The following GRSF1 variants were observed in gnomAD, a reference collection of about 807,000 sequenced individuals.
GRSF1 encodes the protein G-rich RNA sequence binding factor 1, also known as G-rich sequence factor 1.
In GRSF1, 50 loss-of-function variants were observed where a neutral mutation model predicts 51.1. That is an observed-to-expected ratio of 0.98 (90% CI 0.78 to 1.24). GRSF1 has a LOEUF of 1.24. GRSF1 is among the 50% of genes most tolerant of loss of function. The probability of loss-of-function intolerance (pLI) is 0.00; values close to 1 mark genes in which losing one functional copy is unlikely to be tolerated. For missense variants in GRSF1, 700 were observed against 639.7 expected, an observed-to-expected ratio of 1.09 and a Z score of -1.02; for synonymous variants, 293 against 253.3, an observed-to-expected ratio of 1.16 and a Z score of -1.49.
Position 70,820,055 on chromosome 4 carries a change from A to T in GRSF1, c.*832T>A, listed in dbSNP as rs1443356564. Reference sequence around the variant, plus strand: ...CTAGAGCTGGTTTAAATTCAAGTGAAGCCATTAATTTTCTTACCAGTCTGG... The same window carrying T: ...CTAGAGCTGGTTTAAATTCAAGTGATGCCATTAATTTTCTTACCAGTCTGG... On this transcript the variant is annotated 3_prime_UTR_variant, in exon 10 of 10. Coordinates refer to ENST00000254799, the MANE Select transcript of GRSF1 (RefSeq NM_002092.4). 1 of 152,354 alleles carries T rather than the reference A, an allele frequency of 6.6e-6. No homozygotes were observed. 9.4% of individuals were successfully genotyped at this position (152,354 alleles called of 1,614,324 possible). A position where few individuals can be genotyped will look rare whatever the true frequency, so the allele number is the denominator to read the frequency against.
chr4:70,841,485 T>TA (rs1395474224), upstream of GRSF1, among the ~76,000 whole-genome samples: 1 of 151,942 alleles, frequency 6.6e-6, no homozygotes, highest in Non-Finnish European at 1.5e-5. Flanking sequence ...GAGTAAAAAA[T>TA]AAGAGAAAGC....
At chr4:70,823,126 T>G (rs1733586795) in intron 9 of GRSF1, among the ~76,000 whole-genome samples, 1 of 152,132 alleles carries the variant, frequency 6.6e-6, no homozygotes. Flanking sequence ...CCGGACACAG[T>G]GGCTCACGCC....
chr4:70,840,343 GA>G (rs1317788403), upstream of GRSF1, among the ~76,000 whole-genome samples: 2 of 152,252 alleles, frequency 1.3e-5, no homozygotes, highest in African/African-American at 4.8e-5. Flanking sequence ...CTGGCGCAGT[GA>G]CTCATTCGTA....
chr4:70,839,692 G>GGCC lies in GRSF1; in HGVS notation c.133_135dup (p.Gly45dup). 6.9e-7 allele frequency: 1 copy of GGCC among 1,452,302 alleles called. No individual in the cohort carries two copies. Among genetic ancestry groups the GGCC allele is most frequent in the South Asian group, 1.4e-5 (1 of 73,746 alleles). The allele number at this position is 1,452,302 out of a possible 1,614,324, so 90.0% of individuals were successfully genotyped here. On this transcript the variant is annotated inframe_insertion, in exon 1 of 10. Coordinates refer to ENST00000254799, the MANE Select transcript of GRSF1 (RefSeq NM_002092.4). Reference sequence around the variant, plus strand: ...CCGAGCAGCAGCAGCAGGCGGCGGCGGCCCGAGACGCCCGACGGGATAGAG... The same window carrying GGCC: ...CCGAGCAGCAGCAGCAGGCGGCGGCGGCCGCCCGAGACGCCCGACGGGATAGAG...
rs1352045090 is a variant in GRSF1, at chr4:70,827,974, C to T, written c.1013G>A (p.Gly338Glu). The change falls in exon 6 of 10, where the codon GGA becomes GAA. Residue 338 changes from glycine to glutamate, a missense_variant. Physicochemically the swap from Gly to Glu is moderately conservative, Grantham distance 98 (BLOSUM62 -2). Coordinates refer to ENST00000254799, the MANE Select transcript of GRSF1 (RefSeq NM_002092.4). ...EVRTHVGSYK[G>E]KKIASFPTAK... ...AGTAGGAAAAGATGCGATTTTCTTT[C>T]CCTTATAAGAACCGACATGTGTTCG... 3 of 1,612,750 alleles carry T rather than the reference C, an allele frequency of 1.9e-6. No individual in the cohort carries two copies. Among genetic ancestry groups the T allele is most frequent in the Admixed American group, 3.3e-5 (2 of 59,978 alleles).
intron 5 of GRSF1, among the ~76,000 whole-genome samples, chr4:70,829,327 C>T (rs1166371024): frequency 6.9e-6 from 1 of 145,940 alleles, no homozygotes; most frequent in East Asian, 2.1e-4. Flanking sequence ...AGTGAGACAC[C>T]ATCTCTACAA....
At position 70,839,563 on chromosome 4, in the gene GRSF1, C is replaced by G. The variant is rs964748427; in HGVS notation, c.265G>C (p.Ala89Pro). ...PPAVATSAAA[A>P]AAASYSALRA... Reference sequence around the variant, plus strand: ...AGGGCAGAGTAGGACGCGGCGGCCGCGGCCGCGGCAGAGGTGGCCACAGCG... The same window carrying G: ...AGGGCAGAGTAGGACGCGGCGGCCGGGGCCGCGGCAGAGGTGGCCACAGCG... The change falls in exon 1 of 10, where the codon GCG becomes CCG. Residue 89 changes from alanine (A) to proline (P), a missense_variant. Transcript: ENST00000254799. 1 of 1,423,430 alleles carries G rather than the reference C, an allele frequency of 7.0e-7. No individual in the cohort carries two copies. The highest frequency in any genetic ancestry group is 1.5e-5 in the African/African-American group (1 of 66,992). The allele number at this position is 1,423,430 out of a possible 1,614,324, so 88.2% of individuals were successfully genotyped here.
chr4:70,823,966 GTA>G (rs1733626849), intron 9 of GRSF1, among the ~76,000 whole-genome samples: 1 of 114,894 alleles, frequency 8.7e-6, no homozygotes, highest in African/African-American at 3.0e-5. Flanking sequence ...TTCCACAGTT[GTA>G]TCTCTCTCTT....
rs200822254 is a variant in GRSF1, at chr4:70,825,537, T to C, written c.1258-106A>G. ...TTCAGACTTTGATTCATACACTTGA[T>C]ACATTTCTTTTTAGGAAATCTTTTT... is the stretch of plus-strand genomic sequence containing the variant. On this transcript the variant is annotated intron_variant, in intron 7 of 9. Transcript: ENST00000254799. The C allele has an allele frequency of 2.3e-5, 17 of 741,718 alleles. No homozygotes were observed. In the East Asian group the frequency reaches 2.5e-4, roughly 11 times the overall value. The allele number at this position is 741,718 out of a possible 1,614,324, so 45.9% of individuals were successfully genotyped here. A position where few individuals can be genotyped will look rare whatever the true frequency, so the allele number is the denominator to read the frequency against.
intron 5 of GRSF1, among the ~76,000 whole-genome samples, chr4:70,831,067 G>C (rs1381927735): frequency 2.0e-5 from 3 of 152,158 alleles, no homozygotes; most frequent in Non-Finnish European, 4.4e-5. Flanking sequence ...GCCCCACAAG[G>C]AGCAGTCAAG....
intron 9 of GRSF1, among the ~76,000 whole-genome samples, chr4:70,823,418 TA>T (rs1337188954): frequency 1.4e-5 from 2 of 147,340 alleles, no homozygotes; most frequent in South Asian, 2.1e-4. Context: ...AATAAATAAA[TA>T]AAATAAAATT....
chr4:70,837,653 T>C (rs1284483068), intron 1 of GRSF1, among the ~76,000 whole-genome samples: 3 of 151,962 alleles, frequency 2.0e-5, no homozygotes, highest in South Asian at 4.2e-4. Flanking sequence ...CTTTTCTTTT[T>C]TCTTGAGACG....
At chr4:70,830,869 T>C (rs1283650964) in intron 5 of GRSF1, among the ~76,000 whole-genome samples, 2 of 152,110 alleles carry the variant, frequency 1.3e-5, no homozygotes, top group Admixed American at 1.3e-4. Flanking sequence ...AATGCTATTA[T>C]GAACTGTTAT....
At chr4:70,839,949 TG>T (rs950814712), upstream of GRSF1, 10 of 727,524 alleles carry the variant, frequency 1.4e-5, no homozygotes, top group Admixed American at 4.2e-5. Context: ...GGGCACTGGG[TG>T]GGGGGCCTCC....
Position 70,819,450 on chromosome 4 carries a change from T to A in GRSF1, c.*1437A>T, listed in dbSNP as rs1733425626. On this transcript the variant is annotated 3_prime_UTR_variant, in exon 10 of 10. Coordinates refer to ENST00000254799, the MANE Select transcript of GRSF1 (RefSeq NM_002092.4). ...ACACACGAAAATTAACCCTTACTAC[T>A]TATATTAATATAGCAGGACTTGAGG... 1 of 152,202 alleles carries A rather than the reference T, an allele frequency of 6.6e-6. No individual in the cohort carries two copies. The highest frequency in any genetic ancestry group is 6.6e-5 in the Admixed American group (1 of 15,266). The allele number at this position is 152,202 out of a possible 1,614,324, so 9.4% of individuals were successfully genotyped here.
At chr4:70,825,479 C>A (rs1172634935) in intron 7 of GRSF1, 48 bp from the exon 8 acceptor site, 2 of 1,530,854 alleles carry the variant, frequency 1.3e-6, no homozygotes, top group Non-Finnish European at 1.8e-6. Flanking sequence ...GGATGTAAAC[C>A]TACCTAGAAG....
chr4:70,822,868 A>G (rs997910069), intron 9 of GRSF1, among the ~76,000 whole-genome samples: 1 of 152,074 alleles, frequency 6.6e-6, no homozygotes, highest in African/African-American at 2.4e-5. Context: ...AGGCAGGTAA[A>G]TCACTTGAGG....
rs1734370639 is a variant in GRSF1 at position 70,839,466 on chromosome 4, C to G, written c.357+5G>C. Reference sequence around the variant, plus strand: ...CGCGCCAGGTCCCTCACGGCGCCCACGTACCTGGCTGTAGCTGCGCGTCGG... The same window carrying G: ...CGCGCCAGGTCCCTCACGGCGCCCAGGTACCTGGCTGTAGCTGCGCGTCGG... On this transcript the variant is annotated splice_donor_5th_base_variant and intron_variant, in intron 1 of 9. Transcript: ENST00000254799. 4.1e-6 allele frequency: 6 copies of G among 1,454,884 alleles called. No individual in the cohort carries two copies. Among genetic ancestry groups the G allele is most frequent in the Non-Finnish European group, 5.4e-6 (6 of 1,111,082 alleles). The allele number at this position is 1,454,884 out of a possible 1,614,324, so 90.1% of individuals were successfully genotyped here.
Position 70,836,147 on chromosome 4 carries a change from A to T in GRSF1, c.514+11T>A, listed in dbSNP as rs745708647. The T allele has an allele frequency of 3.5e-6, 5 of 1,440,332 alleles. No homozygotes were observed. The East Asian group carries it at 1.3e-4, about 37-fold the overall frequency. The allele number at this position is 1,440,332 out of a possible 1,614,324, so 89.2% of individuals were successfully genotyped here. A position where few individuals can be genotyped will look rare whatever the true frequency, so the allele number is the denominator to read the frequency against. ...AAAAAAATAAATAAATAAAACATAC[A>T]TAAAATATACCTGAAAAAAAGTTAA... On this transcript the variant is annotated intron_variant, in intron 2 of 9. Coordinates refer to ENST00000254799, the MANE Select transcript of GRSF1 (RefSeq NM_002092.4).
Sources: gnomAD v4.1 joint callset for allele counts (sites outside exome capture counted in the v4.1 genomes callset) on GRCh38, gnomAD v4.1.1 for gene constraint, MANE v1.5 for transcripts, NCBI Gene and HGNC (gene_info 2026-07-23, HGNC 2026-07-21) for gene names.